Variants in CNGB3 observed in about 807,000 individuals in gnomAD.
CNGB3 encodes cyclic nucleotide gated channel subunit beta 3, also known as cyclic nucleotide-gated channel beta-3.
A neutral mutation model predicts 92.8 loss-of-function variants in CNGB3; 86 were observed. The observed-to-expected ratio is 0.93, with a 90% confidence interval of 0.78 to 1.11. The LOEUF is 1.11. CNGB3 is among the 50% of genes least tolerant of loss of function. CNGB3 has a pLI of 0.00. For missense variants in CNGB3, 1,026 were observed against 956.8 expected (o/e 1.07, Z -0.95); for synonymous variants, 333 against 332.7 (o/e 1.00, Z -0.01).
At chr8:86,677,934 G>T (rs1824007613) in intron 3 of CNGB3, among the ~76,000 whole-genome samples, 1 of 151,968 alleles carries the variant, frequency 6.6e-6, no homozygotes, top group South Asian at 2.1e-4. Flanking sequence ...ATTTTCTTTT[G>T]CAAACTTTGC....
In CNGB3 at chr8:86,629,065, A is replaced by G. The variant is rs765079041; in HGVS notation, c.1334T>C (p.Ile445Thr). 2.5e-6 allele frequency: 4 copies of G among 1,613,796 alleles called. No homozygotes were observed. In the East Asian group the frequency reaches 8.9e-5, roughly 36 times the overall value. Reference protein sequence around the residue: ...SSLIGQMRDVIGAATANQNYF... With the variant: ...SSLIGQMRDVTGAATANQNYF... Reference sequence around the variant, plus strand: ...GTTCTGATTGGCTGTAGCTGCTCCAATCACATCTCTCATCTAAAACCACAA... The same window carrying G: ...GTTCTGATTGGCTGTAGCTGCTCCAGTCACATCTCTCATCTAAAACCACAA... The change falls in exon 12 of 18, where the codon ATT (isoleucine) becomes ACT (threonine). Residue 445 changes from isoleucine to threonine, a missense_variant. By Grantham distance (89) the Ile-to-Thr change is moderately conservative. Transcript: ENST00000320005.
intron 1 of CNGB3, among the ~76,000 whole-genome samples, chr8:86,742,619 A>C (rs1448198082): frequency 6.6e-6 from 1 of 152,138 alleles, no homozygotes; most frequent in Non-Finnish European, 1.5e-5. Flanking sequence ...CTACTGCTCT[A>C]AAAATCTTCT....
At chr8:86,736,411 T>C (rs529681720) in intron 2 of CNGB3, among the ~76,000 whole-genome samples, 1 of 152,294 alleles carries the variant, frequency 6.6e-6, no homozygotes, top group African/African-American at 2.4e-5. Flanking sequence ...AGAGTTTTTA[T>C]TACCAGCTAT....
chr8:86,585,049 G>C (rs546586026), intron 15 of CNGB3, among the ~76,000 whole-genome samples: 4 of 152,042 alleles, frequency 2.6e-5, no homozygotes, highest in Non-Finnish European at 5.9e-5. Context: ...ACCTACTATA[G>C]GTATCTGATT....
intron 12 of CNGB3, 53 bp from the exon 13 acceptor site, chr8:86,626,133 G>A (rs984890839): frequency 9.3e-6 from 13 of 1,399,234 alleles, no homozygotes; most frequent in African/African-American, 8.5e-5. Flanking sequence ...AATGAAATAA[G>A]TCACCAAGGT....
At chr8:86,674,381 A>T (rs1273931741) in intron 3 of CNGB3, among the ~76,000 whole-genome samples, 1 of 152,178 alleles carries the variant, frequency 6.6e-6, no homozygotes, top group Non-Finnish European at 1.5e-5. Flanking sequence ...ACTACTATGC[A>T]TTTTTGTCTT....
chr8:86,578,327 T>C (rs1022133449), intron 17 of CNGB3, among the ~76,000 whole-genome samples: 1 of 152,148 alleles, frequency 6.6e-6, no homozygotes, highest in African/African-American at 2.4e-5. Context: ...CTGCACGTGC[T>C]GTTGTCCACA....
chr8:86,659,165 C>A, intron 6 of CNGB3: 2 of 711,880 alleles, frequency 2.8e-6, no homozygotes, highest in Non-Finnish European at 2.5e-6. Context: ...CCTTCTCCTC[C>A]CTCAATGTGT....
At chr8:86,593,862 G>T in intron 15 of CNGB3, 2 of 758,458 alleles carry the variant, frequency 2.6e-6, no homozygotes, top group Non-Finnish European at 4.5e-6. Context: ...TGGACCCCGG[G>T]CAGCATAGCC....
intron 14 of CNGB3, among the ~76,000 whole-genome samples, chr8:86,604,845 G>A (rs1399344025): frequency 2.0e-5 from 3 of 152,162 alleles, no homozygotes; most frequent in Non-Finnish European, 2.9e-5. Context: ...GGTTAATGGT[G>A]TTATTCTATA....
intron 15 of CNGB3, among the ~76,000 whole-genome samples, chr8:86,587,814 G>C (rs942582283): frequency 2.6e-5 from 4 of 151,110 alleles, no homozygotes. Flanking sequence ...TTGACTTGGC[G>C]ATGCGGGCTC....
intron 15 of CNGB3, among the ~76,000 whole-genome samples, chr8:86,589,265 T>A (rs1563717105): frequency 2.0e-5 from 3 of 151,154 alleles, no homozygotes; most frequent in Non-Finnish European, 4.4e-5. Flanking sequence ...GTCTATCAAT[T>A]TTGTTGATCC....
At chr8:86,598,789 G>T (rs1822225855) in intron 15 of CNGB3, among the ~76,000 whole-genome samples, 1 of 152,070 alleles carries the variant, frequency 6.6e-6, no homozygotes, top group Admixed American at 6.6e-5. Flanking sequence ...AACCCTCTTT[G>T]TCATTGGACT....
At chr8:86,705,184 C>T (rs561543093) in intron 3 of CNGB3, among the ~76,000 whole-genome samples, 84 of 152,116 alleles carry the variant, frequency 5.5e-4, no homozygotes, top group Non-Finnish European at 8.5e-4. Flanking sequence ...AAGTTGAATT[C>T]TCATATGTAT....
At chr8:86,710,705 A>AAAAT (rs1288803254) in intron 3 of CNGB3, among the ~76,000 whole-genome samples, 1 of 152,226 alleles carries the variant, frequency 6.6e-6, no homozygotes, top group Non-Finnish European at 1.5e-5. Context: ...TGTCAGACAA[A>AAAAT]AAATACCTAA....
At chr8:86,650,668 G>A (rs760640886) in intron 7 of CNGB3, among the ~76,000 whole-genome samples, 5 of 151,690 alleles carry the variant, frequency 3.3e-5, no homozygotes, top group Non-Finnish European at 7.4e-5. Context: ...AACAATAGAT[G>A]TTGGCATGGA....
At chr8:86,600,468 CTTAA>C (rs916662229) in intron 15 of CNGB3, among the ~76,000 whole-genome samples, 5 of 152,184 alleles carry the variant, frequency 3.3e-5, no homozygotes, top group Non-Finnish European at 5.9e-5. Flanking sequence ...CAATTAAGTA[CTTAA>C]TTAATTAAAA....
At chr8:86,593,605 T>G (rs1335645456) in intron 15 of CNGB3, 16 of 430,282 alleles carry the variant, frequency 3.7e-5, no homozygotes, top group Non-Finnish European at 6.4e-5. Context: ...CAAATGGCCA[T>G]GAGAGGTGGT....
At chr8:86,639,209 A>C (rs1823132375) in intron 10 of CNGB3, among the ~76,000 whole-genome samples, 1 of 152,064 alleles carries the variant, frequency 6.6e-6, no homozygotes, top group Non-Finnish European at 1.5e-5. Flanking sequence ...ATTTGTTAAA[A>C]AATTTGTGCA....
Sources: allele counts gnomAD v4.1 joint callset (sites outside exome capture counted in the v4.1 genomes callset), GRCh38; gene constraint gnomAD v4.1.1; transcripts MANE v1.5; gene names NCBI Gene and HGNC (gene_info 2026-07-23, HGNC 2026-07-21).